KIF1A: variants seen among roughly 807,000 people sequenced by gnomAD.
KIF1A encodes kinesin-like protein KIF1A.
KIF1A carries 46 observed loss-of-function variants against 227.3 expected under a neutral mutation model. The ratio of observed to expected loss-of-function variants is 0.20; its 90% CI spans 0.16 to 0.26. The LOEUF (loss-of-function observed/expected upper bound fraction) is 0.26. KIF1A is among the 10% of genes least tolerant of loss of function. The probability of loss-of-function intolerance (pLI) is 1.00; values close to 1 mark genes in which losing one functional copy is unlikely to be tolerated. For synonymous variants in KIF1A, 1,022 were observed against 1,012.8 expected, an observed-to-expected ratio of 1.01 and a Z score of -0.17; for missense variants, 1,683 against 2,485.9, an observed-to-expected ratio of 0.68 and a Z score of 6.87.
chr2:240,742,608 G>A (rs1219457336), intron 34 of KIF1A, among the ~76,000 whole-genome samples: 2 of 152,046 alleles, frequency 1.3e-5, no homozygotes, highest in Non-Finnish European at 2.9e-5. Flanking sequence ...GTCCTAGATT[G>A]CCTTTCATCC....
At chr2:240,759,414 CT>C (rs761149427) in intron 25 of KIF1A, among the ~76,000 whole-genome samples, 3 of 152,162 alleles carry the variant, frequency 2.0e-5, no homozygotes, top group African/African-American at 4.8e-5. Context: ...AATATTCCCC[CT>C]GGCCTAAATC....
intron 27 of KIF1A, among the ~76,000 whole-genome samples, chr2:240,755,063 C>T (rs1187965150): frequency 6.6e-6 from 1 of 152,212 alleles, no homozygotes; most frequent in Admixed American, 6.5e-5. Context: ...CCTGTGTTTC[C>T]TACCCCTCCT....
intron 40 of KIF1A, chr2:240,724,255 G>T: frequency 1.7e-6 from 1 of 589,836 alleles, no homozygotes; most frequent in Non-Finnish European, 3.1e-6. Flanking sequence ...TTGCTCAGGT[G>T]CCCATGGGGC....
chr2:240,742,366 C>T (rs1011198709), intron 34 of KIF1A, among the ~76,000 whole-genome samples: 2 of 152,296 alleles, frequency 1.3e-5, no homozygotes, highest in African/African-American at 4.8e-5. Flanking sequence ...TGCTGGGCCT[C>T]AGTCTGGCTG....
chr2:240,781,923 A>G, intron 10 of KIF1A: 1 of 985,270 alleles, frequency 1.0e-6, no homozygotes, highest in East Asian at 1.1e-4. Flanking sequence ...AGCTCTTCAC[A>G]ATTCACACAG....
chr2:240,740,044 C>G lies in KIF1A; in HGVS notation c.3901+14G>C, dbSNP rs1429288747. On this transcript the variant is annotated intron_variant, in intron 37 of 48. Transcript: ENST00000498729. This position sits in a 1 kb window ranked among gnomAD's most constrained non-coding sequence, Gnocchi z 6.1. ...CAGCCCCACCCACCAAGGCAGCCCC[C>G]ACACCGCACTCACCCACGACCAGCT... The G allele has an allele frequency of 1.3e-6, 2 of 1,570,014 alleles. No individual in the cohort carries two copies. Among genetic ancestry groups the G allele is most frequent in the Non-Finnish European group, 1.7e-6 (2 of 1,157,408 alleles).
At chr2:240,720,817 G>A (rs1460739254) in intron 45 of KIF1A, 97 bp downstream of exon 45, 1 of 1,407,900 alleles carries the variant, frequency 7.1e-7, no homozygotes, top group East Asian at 2.6e-5. Flanking sequence ...CGGCCATTGG[G>A]GCCCCCTGTT....
rs932814608 is a variant in KIF1A, at chr2:240,739,396, G to A, written c.3901+662C>T. The stretch of plus-strand genomic sequence containing the variant: ...AAAGAGTGTAAGATCCTTGGTGATG[G>A]TTATGGGAGGAATTGTGTCCCCGAA... On this transcript the variant is annotated intron_variant, in intron 37 of 48. Transcript: ENST00000498729. This position sits in a 1 kb window ranked among gnomAD's most constrained non-coding sequence, Gnocchi z 5.6. Among the ~76,000 whole-genome samples, 4 of 152,214 alleles carry A rather than the reference G, an allele frequency of 2.6e-5. No individual in the cohort carries two copies. The highest frequency in any genetic ancestry group is 5.9e-5 in the Non-Finnish European group (4 of 68,042).
chr2:240,748,836 G>T, intron 28 of KIF1A: 1 of 168,630 alleles, frequency 5.9e-6, no homozygotes. Context: ...GGGCAGGGTG[G>T]CTGGCCAGGC....
chr2:240,717,143 C>A lies in KIF1A; in HGVS notation c.*221G>T. ...CCCCAGCCTCTCCCAACTTGTTCCACCAGAGCACATTCTGCAAGAAGAACT... is the reference window on the plus strand; with the variant it reads ...CCCCAGCCTCTCCCAACTTGTTCCAACAGAGCACATTCTGCAAGAAGAACT... On this transcript the variant is annotated 3_prime_UTR_variant, in exon 49 of 49. Coordinates refer to ENST00000498729, the MANE Select transcript of KIF1A (RefSeq NM_001244008.2). 2.0e-6 allele frequency: 1 copy of A among 504,336 alleles called. No individual in the cohort carries two copies. Among genetic ancestry groups the A allele is most frequent in the Non-Finnish European group, 3.5e-6 (1 of 283,720 alleles). The allele number at this position is 504,336 out of a possible 1,614,324, so 31.2% of individuals were successfully genotyped here.
At chr2:240,724,611 G>A (rs2125613570) in intron 40 of KIF1A, 1 of 163,428 alleles carries the variant, frequency 6.1e-6, no homozygotes, top group Non-Finnish European at 1.3e-5. Context: ...ACCACAGGGA[G>A]ACCCACTGAA....
intron 20 of KIF1A, among the ~76,000 whole-genome samples, chr2:240,763,671 G>T (rs1424775379): frequency 1.3e-5 from 2 of 152,116 alleles, no homozygotes; most frequent in Non-Finnish European, 2.9e-5. Flanking sequence ...GTGCACACAT[G>T]GGAGCCAGGA....
chr2:240,720,882 G>T (rs1392042910), intron 45 of KIF1A, 32 bp downstream of exon 45: 3 of 1,527,864 alleles, frequency 2.0e-6, no homozygotes, highest in Non-Finnish European at 2.7e-6. Context: ...CGTGGTGCCA[G>T]AAGCCACTCC....
chr2:240,783,866 G>T, intron 7 of KIF1A, 50 bp from the exon 8 acceptor site: 1 of 1,391,812 alleles, frequency 7.2e-7, no homozygotes, highest in Non-Finnish European at 1.0e-6. Context: ...GATGCGCGGG[G>T]GCATCCCAGG....
Position 240,725,576 on chromosome 2 carries a change from C to T in KIF1A, c.4123-172G>A, listed in dbSNP as rs1198636664. On this transcript the variant is annotated intron_variant, in intron 39 of 48. Transcript: ENST00000498729. The surrounding 1 kb of genome is among the most constrained non-coding windows in gnomAD (Gnocchi z 5.8). ...AGGAGAAAGTCTCTGCTCCTGCCCT[C>T]GAGAAAACCCCACTGGGGACAGGTA... 3.8e-5 allele frequency: 25 copies of T among 661,550 alleles called. No individual in the cohort carries two copies. The highest frequency in any genetic ancestry group is 5.8e-5 in the Non-Finnish European group (23 of 398,536). 41.0% of individuals were successfully genotyped at this position (661,550 alleles called of 1,614,324 possible).
chr2:240,744,968 C>T (rs899239516), intron 32 of KIF1A, among the ~76,000 whole-genome samples: 3 of 152,296 alleles, frequency 2.0e-5, no homozygotes, highest in South Asian at 2.1e-4. Flanking sequence ...GCCTTAAAGG[C>T]CCCTCCTCTC....
Position 240,766,840 on chromosome 2 carries a change from A to G in KIF1A, c.1684+75T>C. Reference sequence around the variant, plus strand: ...CACTTAGTGCTGGGTAAGCTGGGAGAGGGTGACCTCATTCAGGCCTGATCA... The same window carrying G: ...CACTTAGTGCTGGGTAAGCTGGGAGGGGGTGACCTCATTCAGGCCTGATCA... On this transcript the variant is annotated intron_variant, in intron 19 of 48. Coordinates refer to ENST00000498729, the MANE Select transcript of KIF1A (RefSeq NM_001244008.2). The surrounding 1 kb of genome is among the most constrained non-coding windows in gnomAD (Gnocchi z 5.0). 1.0e-6 allele frequency: 1 copy of G among 994,116 alleles called. No individual in the cohort carries two copies. Among genetic ancestry groups the G allele is most frequent in the Non-Finnish European group, 1.5e-6 (1 of 651,744 alleles). 61.6% of individuals were successfully genotyped at this position (994,116 alleles called of 1,614,324 possible). A position where few individuals can be genotyped will look rare whatever the true frequency, so the allele number is the denominator to read the frequency against.
At chr2:240,718,441 C>G (rs1427947414) in intron 47 of KIF1A, among the ~76,000 whole-genome samples, 1 of 152,240 alleles carries the variant, frequency 6.6e-6, no homozygotes, top group African/African-American at 2.4e-5. Context: ...TCCCTGGGAC[C>G]CTGGCTGGGC....
rs1465561800 is a variant in KIF1A at position 240,726,923 on chromosome 2, T to C, written c.4025A>G (p.Glu1342Gly). 5.6e-6 allele frequency: 9 copies of C among 1,606,334 alleles called. No homozygotes were observed. Among genetic ancestry groups the C allele is most frequent in the Non-Finnish European group, 7.7e-6 (9 of 1,175,260 alleles). Reference sequence around the variant, plus strand: ...GTGCATGGAGCTGTCCCACGCAGCCTCAAATTGGTAAAAGGTCCTGAAAGG... The same window carrying C: ...GTGCATGGAGCTGTCCCACGCAGCCCCAAATTGGTAAAAGGTCCTGAAAGG... ...AQDDRTFYQF[E>G]AAWDSSMHNS... is the part of the protein sequence containing the mutation. The change falls in exon 39 of 49, where the codon GAG (glutamate) becomes GGG (glycine). Residue 1342 changes from glutamate to glycine, a missense_variant. By Grantham distance (98) the Glu-to-Gly change is moderately conservative (BLOSUM62 -2). Coordinates refer to ENST00000498729, the MANE Select transcript of KIF1A (RefSeq NM_001244008.2). This position sits in a 1 kb window ranked among gnomAD's most constrained non-coding sequence, Gnocchi z 5.2.
Sources: allele counts gnomAD v4.1 joint callset (sites outside exome capture counted in the v4.1 genomes callset), GRCh38; gene constraint gnomAD v4.1.1; non-coding constraint Gnocchi (gnomAD v3.1); transcripts MANE v1.5; gene names NCBI Gene and HGNC (gene_info 2026-07-23, HGNC 2026-07-21).